Variants in SLCO1B1 observed in about 807,000 individuals in gnomAD.
SLCO1B1 encodes the protein solute carrier organic anion transporter family member 1B1, also known as OATP-2.
In SLCO1B1, 81 loss-of-function variants were observed where a neutral mutation model predicts 70.1. That is an observed-to-expected ratio of 1.16 (90% CI 0.97 to 1.39). SLCO1B1 has a LOEUF of 1.39. Ranked by LOEUF, SLCO1B1 falls within the 40% of genes most tolerant of loss-of-function variation. The probability of loss-of-function intolerance (pLI) is 0.00; values close to 1 mark genes in which losing one functional copy is unlikely to be tolerated. For missense variants in SLCO1B1, 895 were observed against 799.6 expected (o/e 1.12, Z -1.44); for synonymous variants, 283 against 271.5 (o/e 1.04, Z -0.42).
At chr12:21,228,428 T>A (rs1198837797) in intron 14 of SLCO1B1, among the ~76,000 whole-genome samples, 1 of 152,224 alleles carries the variant, frequency 6.6e-6, no homozygotes, top group Non-Finnish European at 1.5e-5. Context: ...GTTTTCTTGT[T>A]CCTTTAAGGT....
intron 2 of SLCO1B1, among the ~76,000 whole-genome samples, chr12:21,148,664 T>A (rs528866151): frequency 6.6e-6 from 1 of 151,918 alleles, no homozygotes; most frequent in Admixed American, 6.6e-5. Flanking sequence ...AGCTTTGTTC[T>A]TTTTGCTTAG....
chr12:21,200,723 A>G (rs1941147820), intron 9 of SLCO1B1, 51 bp downstream of exon 9: 1 of 1,464,736 alleles, frequency 6.8e-7, no homozygotes, highest in South Asian at 1.2e-5. Context: ...AATACTAAAT[A>G]CTGTATTCCA....
At chr12:21,224,883 A>G (rs757579797) in intron 14 of SLCO1B1, 44 bp downstream of exon 14, 1 of 978,314 alleles carries the variant, frequency 1.0e-6, no homozygotes, top group Non-Finnish European at 1.6e-6. Flanking sequence ...CTTTGACTAT[A>G]TTAATTCCTA....
chr12:21,203,167 C>G (rs1047291610), intron 10 of SLCO1B1, among the ~76,000 whole-genome samples: 7 of 152,160 alleles, frequency 4.6e-5, no homozygotes, highest in African/African-American at 1.7e-4. Flanking sequence ...TGTTCAACAA[C>G]TATCTTAACA....
intron 7 of SLCO1B1, among the ~76,000 whole-genome samples, chr12:21,196,272 T>C (rs186377201): frequency 1.3e-3 from 194 of 152,318 alleles, no homozygotes; most frequent in African/African-American, 4.5e-3. Context: ...TTACTTAGAT[T>C]GTTTATTTTA....
At chr12:21,157,079 T>C (rs1940553188) in intron 2 of SLCO1B1, among the ~76,000 whole-genome samples, 1 of 152,180 alleles carries the variant, frequency 6.6e-6, no homozygotes, top group African/African-American at 2.4e-5. Context: ...AGCTAAATAT[T>C]CTATATTATA....
chr12:21,133,421 A>G (rs1159897159), intron 1 of SLCO1B1, among the ~76,000 whole-genome samples: 1 of 152,168 alleles, frequency 6.6e-6, no homozygotes, highest in Non-Finnish European at 1.5e-5. Flanking sequence ...ATTACCTTGG[A>G]CAGTATGGCC....
At chr12:21,173,529 C>T (rs1356026502) in intron 3 of SLCO1B1, among the ~76,000 whole-genome samples, 4 of 151,874 alleles carry the variant, frequency 2.6e-5, no homozygotes, top group Non-Finnish European at 4.4e-5. Context: ...TTTACAACAG[C>T]ACTTTATTAT....
chr12:21,217,007 G>C (rs1941365936), intron 11 of SLCO1B1, 112 bp from the exon 12 acceptor site: 1 of 804,986 alleles, frequency 1.2e-6, no homozygotes, highest in South Asian at 1.5e-5. Flanking sequence ...TTCTTAAACT[G>C]TAAATATATT....
At chr12:21,223,224 A>G (rs971592472) in intron 13 of SLCO1B1, among the ~76,000 whole-genome samples, 11 of 152,180 alleles carry the variant, frequency 7.2e-5, no homozygotes, top group Non-Finnish European at 1.0e-4. Context: ...AATTCTGAGT[A>G]TCCTATTTCG....
chr12:21,194,468 CA>C (rs1178694572), intron 7 of SLCO1B1, among the ~76,000 whole-genome samples: 1 of 151,810 alleles, frequency 6.6e-6, no homozygotes, highest in Non-Finnish European at 1.5e-5. Flanking sequence ...TAAGGCATAA[CA>C]AGAGTGACTT....
At chr12:21,220,385 A>G (rs1443056184) in intron 12 of SLCO1B1, among the ~76,000 whole-genome samples, 2 of 152,044 alleles carry the variant, frequency 1.3e-5, no homozygotes, top group Non-Finnish European at 2.9e-5. Flanking sequence ...ATTTTTACTT[A>G]TTTATTTATT....
chr12:21,169,806 G>C (rs925770868), intron 2 of SLCO1B1, among the ~76,000 whole-genome samples: 2 of 149,738 alleles, frequency 1.3e-5, no homozygotes, highest in Non-Finnish European at 3.0e-5. Context: ...GTATTATTTT[G>C]TTGTTGAGAT....
intron 9 of SLCO1B1, among the ~76,000 whole-genome samples, chr12:21,201,159 A>G (rs1412558894): frequency 6.6e-6 from 1 of 152,118 alleles, no homozygotes; most frequent in African/African-American, 2.4e-5. Flanking sequence ...TCTATTTTCA[A>G]TGGCACATTT....
intron 2 of SLCO1B1, among the ~76,000 whole-genome samples, chr12:21,152,244 TC>T (rs1201862819): frequency 6.6e-6 from 1 of 152,044 alleles, no homozygotes; most frequent in African/African-American, 2.4e-5. Flanking sequence ...GAAATTTTTA[TC>T]TGTCTGCTTA....
At chr12:21,133,231 T>A (rs1252545139) in intron 1 of SLCO1B1, among the ~76,000 whole-genome samples, 1 of 152,106 alleles carries the variant, frequency 6.6e-6, no homozygotes, top group African/African-American at 2.4e-5. Flanking sequence ...TTTTGGTTAC[T>A]GTAGCCTTGT....
chr12:21,149,974 G>A (rs756234371), intron 2 of SLCO1B1, among the ~76,000 whole-genome samples: 10 of 152,086 alleles, frequency 6.6e-5, no homozygotes, highest in Non-Finnish European at 1.2e-4. Flanking sequence ...CTTGCCAGCC[G>A]AGCAGTCTGA....
chr12:21,215,361 C>A (rs1941345493), intron 11 of SLCO1B1, among the ~76,000 whole-genome samples: 1 of 152,130 alleles, frequency 6.6e-6, no homozygotes, highest in Non-Finnish European at 1.5e-5. Context: ...CTTCAATGCC[C>A]AGTTTGTTGA....
At chr12:21,142,176 A>G (rs1401561347) in intron 2 of SLCO1B1, among the ~76,000 whole-genome samples, 1 of 151,824 alleles carries the variant, frequency 6.6e-6, no homozygotes, top group Non-Finnish European at 1.5e-5. Context: ...GACCTGTTTG[A>G]CGATTTAGAA....
Sources: gnomAD v4.1 joint callset for allele counts (sites outside exome capture counted in the v4.1 genomes callset) on GRCh38, gnomAD v4.1.1 for gene constraint, MANE v1.5 for transcripts, NCBI Gene and HGNC (gene_info 2026-07-23, HGNC 2026-07-21) for gene names.